The following HNF4G variants were observed in gnomAD, a reference collection of about 807,000 sequenced individuals.
The protein encoded by HNF4G is hepatocyte nuclear factor 4 gamma.
Under a neutral mutation model 50.9 loss-of-function variants are expected in HNF4G, and 21 were observed. That is an observed-to-expected ratio of 0.41 (90% confidence interval 0.29 to 0.59). The LOEUF is 0.59. Ranked by LOEUF, HNF4G falls within the 20% of genes least tolerant of loss-of-function variation. The pLI, the probability that HNF4G is intolerant of heterozygous loss-of-function variation, is 0.26. For synonymous variants in HNF4G, 198 were observed against 185.6 expected, an observed-to-expected ratio of 1.07 and a Z score of -0.54; for missense variants, 527 against 559.4, an observed-to-expected ratio of 0.94 and a Z score of 0.58.
At chr8:75,537,498 G>C (rs1393258925), upstream of HNF4G, among the ~76,000 whole-genome samples, 1 of 151,886 alleles carries the variant, frequency 6.6e-6, no homozygotes, top group African/African-American at 2.4e-5. Flanking sequence ...TACTTGCCTT[G>C]GCCTACCAAA....
intron 1 of HNF4G, among the ~76,000 whole-genome samples, chr8:75,427,743 A>G (rs920571213): frequency 6.6e-6 from 1 of 152,118 alleles, no homozygotes; most frequent in South Asian, 2.1e-4. Context: ...AGATAATAGC[A>G]GGGTATATTG....
chr8:75,539,766 G>A, upstream of HNF4G: 1 of 462,376 alleles, frequency 2.2e-6, no homozygotes, highest in South Asian at 3.4e-5. Context: ...GCTTTCATAT[G>A]CCATAAAAGA....
chr8:75,504,443 TTACAAGC>T (rs1174944444), intron 2 of HNF4G, among the ~76,000 whole-genome samples: 1 of 152,168 alleles, frequency 6.6e-6, no homozygotes, highest in African/African-American at 2.4e-5. Context: ...AGGTCAAAAG[TTACAAGC>T]ATTTTAATAA....
At chr8:75,507,136 C>T (rs2977906) in intron 2 of HNF4G, among the ~76,000 whole-genome samples, 79,755 of 151,934 alleles carry the variant, frequency 0.52, 23,301 homozygotes, top group African/African-American at 0.79. Context: ...TATGTAAGAA[C>T]TATAAATGGA....
intron 1 of HNF4G, among the ~76,000 whole-genome samples, chr8:75,461,895 TATATAA>T: frequency 8.3e-6 from 1 of 121,132 alleles, no homozygotes; most frequent in Admixed American, 8.8e-5. Flanking sequence ...AATATATAAA[TATATAA>T]ATATAAATAT....
intron 3 of HNF4G, among the ~76,000 whole-genome samples, chr8:75,549,959 A>G (rs1182335390): frequency 1.3e-5 from 2 of 152,224 alleles, no homozygotes; most frequent in Non-Finnish European, 2.9e-5. Flanking sequence ...TTATGGCTGC[A>G]TAGTATTCCA....
chr8:75,483,942 C>T (rs907884210), intron 1 of HNF4G, among the ~76,000 whole-genome samples: 2 of 152,122 alleles, frequency 1.3e-5, no homozygotes, highest in Non-Finnish European at 2.9e-5. Flanking sequence ...CACATGGACA[C>T]TTTCACATAA....
intron 2 of HNF4G, among the ~76,000 whole-genome samples, chr8:75,516,293 T>A (rs1197314934): frequency 6.6e-6 from 1 of 151,926 alleles, no homozygotes; most frequent in East Asian, 1.9e-4. Flanking sequence ...GTTCAAATAT[T>A]TTTTTTTAAA....
At chr8:75,448,764 G>A (rs1645656699) in intron 1 of HNF4G, among the ~76,000 whole-genome samples, 1 of 151,868 alleles carries the variant, frequency 6.6e-6, no homozygotes, top group Non-Finnish European at 1.5e-5. Flanking sequence ...AAATATAAAA[G>A]CAAAGTAAGA....
chr8:75,558,704 T>C, intron 7 of HNF4G, 34 bp downstream of exon 7: 3 of 1,592,492 alleles, frequency 1.9e-6, no homozygotes, highest in South Asian at 1.1e-5. Flanking sequence ...AGAATTAATA[T>C]AATAAAAATT....
chr8:75,419,978 C>G (rs527782462), intron 1 of HNF4G, among the ~76,000 whole-genome samples: 1 of 152,124 alleles, frequency 6.6e-6, no homozygotes, highest in Admixed American at 6.5e-5. Flanking sequence ...CACTCAGCAC[C>G]ATTTCTGGCA....
rs1401935195 is a variant in HNF4G at position 75,555,089 on chromosome 8, T to A, written c.646-893T>A. On this transcript the variant is annotated intron_variant, in intron 5 of 9. Transcript: ENST00000396423. ...ACCTGTGAGGCCATGTTTGACGAGTTTGGATTTCAGTCTAGGGACAATAAG... is the reference window on the plus strand; with the variant it reads ...ACCTGTGAGGCCATGTTTGACGAGTATGGATTTCAGTCTAGGGACAATAAG... Among the ~76,000 whole-genome samples the A allele has an allele frequency of 2.0e-5, 3 of 152,174 alleles. No homozygotes were observed. The East Asian group carries it at 5.8e-4, about 29-fold the overall frequency.
At chr8:75,459,740 G>T (rs1811801914) in intron 1 of HNF4G, among the ~76,000 whole-genome samples, 1 of 152,066 alleles carries the variant, frequency 6.6e-6, no homozygotes, top group African/African-American at 2.4e-5. Flanking sequence ...CCATTGATGT[G>T]ATTCAGACCC....
chr8:75,513,798 T>C (rs1805816566), intron 2 of HNF4G, among the ~76,000 whole-genome samples: 1 of 151,824 alleles, frequency 6.6e-6, no homozygotes, highest in Admixed American at 6.5e-5. Context: ...TTTTCTTAAT[T>C]TTTGAAAGCA....
intron 2 of HNF4G, among the ~76,000 whole-genome samples, chr8:75,523,182 G>T (rs1026960170): frequency 6.6e-6 from 1 of 151,758 alleles, no homozygotes; most frequent in Non-Finnish European, 1.5e-5. Context: ...CCGAGATCGC[G>T]CCACTGCACT....
intron 1 of HNF4G, among the ~76,000 whole-genome samples, chr8:75,444,200 A>G (rs1423769337): frequency 6.6e-6 from 1 of 151,910 alleles, no homozygotes; most frequent in Non-Finnish European, 1.5e-5. Context: ...TGAAGGAGAA[A>G]TAAAATCCTT....
At chr8:75,448,715 A>T (rs1171737981) in intron 1 of HNF4G, among the ~76,000 whole-genome samples, 2 of 151,986 alleles carry the variant, frequency 1.3e-5, no homozygotes, top group Non-Finnish European at 2.9e-5. Flanking sequence ...ACCTAAAAGG[A>T]CAACTATCTA....
upstream of HNF4G, among the ~76,000 whole-genome samples, chr8:75,535,352 A>ATTTT (rs10695174): frequency 6.6e-6 from 1 of 150,798 alleles, no homozygotes; most frequent in African/African-American, 2.4e-5. Context: ...AGGAAATATG[A>ATTTT]TTTTTTTTTA....
At chr8:75,476,878 A>G (rs1179394765) in intron 1 of HNF4G, among the ~76,000 whole-genome samples, 1 of 152,218 alleles carries the variant, frequency 6.6e-6, no homozygotes, top group East Asian at 1.9e-4. Flanking sequence ...TATAGAAGGA[A>G]ACATCAGGAG....
Sources: gnomAD v4.1 joint callset for allele counts (sites outside exome capture counted in the v4.1 genomes callset) on GRCh38, gnomAD v4.1.1 for gene constraint, MANE v1.5 for transcripts, NCBI Gene and HGNC (gene_info 2026-07-23, HGNC 2026-07-21) for gene names.